Variants in COLGALT2 observed in about 807,000 individuals in gnomAD.
The protein encoded by COLGALT2 is procollagen galactosyltransferase 2.
Under a neutral mutation model 73.4 loss-of-function variants are expected in COLGALT2, and 49 were observed. The ratio of observed to expected loss-of-function variants is 0.67; its 90% CI spans 0.53 to 0.85. The LOEUF (loss-of-function observed/expected upper bound fraction) is 0.85, where lower values mean the gene tolerates loss of function less well. Ranked by LOEUF, COLGALT2 falls within the 40% of genes least tolerant of loss-of-function variation. COLGALT2 has a pLI of 0.00. For missense variants in COLGALT2, 722 were observed against 790.2 expected, an observed-to-expected ratio of 0.91 and a Z score of 1.03; for synonymous variants, 295 against 307.6, an observed-to-expected ratio of 0.96 and a Z score of 0.43.
At chr1:184,025,261 G>A (rs1649299559) in intron 1 of COLGALT2, among the ~76,000 whole-genome samples, 1 of 152,228 alleles carries the variant, frequency 6.6e-6, no homozygotes, top group Non-Finnish European at 1.5e-5. Flanking sequence ...GTGTGTCTTT[G>A]ATGCCCGTCA....
downstream of COLGALT2, among the ~76,000 whole-genome samples, chr1:183,932,118 C>T (rs1396327168): frequency 6.6e-6 from 1 of 152,022 alleles, no homozygotes; most frequent in Non-Finnish European, 1.5e-5. Context: ...TGTGGTGAGA[C>T]AGAGTGCAAG....
rs1418207280 is a variant in COLGALT2 at position 183,938,658 on chromosome 1, A to G, written c.*103T>C. The G allele has an allele frequency of 6.7e-7, 1 of 1,502,026 alleles. No homozygotes were observed. Among genetic ancestry groups the G allele is most frequent in the African/African-American group, 1.4e-5 (1 of 71,810 alleles). The allele number at this position is 1,502,026 out of a possible 1,614,324, so 93.0% of individuals were successfully genotyped here. ...TCACTTTGGTTAGATGACTGTGACC[A>G]CTAAGAACAAAACAAAACAGAAAAC... On this transcript the variant is annotated 3_prime_UTR_variant, in exon 12 of 12. Coordinates refer to ENST00000361927, the MANE Select transcript of COLGALT2 (RefSeq NM_015101.4).
chr1:183,938,764 T>G lies in COLGALT2; in HGVS notation c.1878A>C (p.Leu626=). The G allele has an allele frequency of 6.2e-7, 1 of 1,614,050 alleles. No individual in the cohort carries two copies. Among genetic ancestry groups the G allele is most frequent in the Non-Finnish European group, 8.5e-7 (1 of 1,179,970 alleles). Residue 626 remains leucine (L), a synonymous_variant, in exon 12 of 12, where the codon CTA becomes CTC. Transcript: ENST00000361927. The part of the protein sequence containing the change: ...SLDTVPSRDE[L] ...GGGCCACACTCCCAGGGAGCCTTCATAGCTCATCCCTTGAAGGCACAGTGT... is the reference window on the plus strand; with the variant it reads ...GGGCCACACTCCCAGGGAGCCTTCAGAGCTCATCCCTTGAAGGCACAGTGT...
downstream of COLGALT2, chr1:183,935,829 A>T: frequency 1.0e-6 from 1 of 984,750 alleles, no homozygotes; most frequent in Non-Finnish European, 1.2e-6. Flanking sequence ...ATTGACAATC[A>T]TATCTTTGAG....
At chr1:183,999,177 G>A (rs575296272) in intron 1 of COLGALT2, among the ~76,000 whole-genome samples, 1 of 152,014 alleles carries the variant, frequency 6.6e-6, no homozygotes, top group East Asian at 1.9e-4. Context: ...GTTTTGTTTC[G>A]AATGATTGCT....
Position 184,017,316 on chromosome 1 carries a change from C to A in COLGALT2, c.263+19779G>T, listed in dbSNP as rs184807307. Among the ~76,000 whole-genome samples the A allele has an allele frequency of 7.1e-4, 108 of 152,240 alleles. 1 individual carries two copies. The highest frequency in any genetic ancestry group is 1.4e-3 in the Admixed American group (21 of 15,286). ...TTCTGGCAGTTTTGTTTTGACAAGG[C>A]ATAGAGAGAATTAAGTCATTCACTT... On this transcript the variant is annotated intron_variant, in intron 1 of 11. Transcript: ENST00000361927.
At chr1:184,027,146 T>C (rs544419005) in intron 1 of COLGALT2, among the ~76,000 whole-genome samples, 1 of 152,310 alleles carries the variant, frequency 6.6e-6, no homozygotes, top group South Asian at 2.1e-4. Flanking sequence ...GCTGGGTTTC[T>C]CCTATGTAAT....
intron 7 of COLGALT2, among the ~76,000 whole-genome samples, chr1:183,952,933 A>G (rs565841605): frequency 6.6e-6 from 1 of 152,352 alleles, no homozygotes; most frequent in South Asian, 2.1e-4. Flanking sequence ...AGATATGGAA[A>G]GGAAAGGGCA....
At chr1:183,976,221 G>A (rs988778994) in intron 2 of COLGALT2, among the ~76,000 whole-genome samples, 6 of 151,940 alleles carry the variant, frequency 3.9e-5, no homozygotes, top group African/African-American at 1.2e-4. Flanking sequence ...TGCCATTTTT[G>A]TTAGGCCAAA....
chr1:184,007,430 C>T lies in COLGALT2; in HGVS notation c.264-28910G>A, dbSNP rs1050312897. On this transcript the variant is annotated intron_variant, in intron 1 of 11. Transcript: ENST00000361927. ...AATAATTATGCCATAGTTTAACTTGCGGCTTTCCTTTCTTTTTCTACAATA... is the reference window on the plus strand; with the variant it reads ...AATAATTATGCCATAGTTTAACTTGTGGCTTTCCTTTCTTTTTCTACAATA... 5.3e-5 allele frequency among the ~76,000 whole-genome samples: 8 copies of T among 152,220 alleles called. No individual in the cohort carries two copies. The East Asian group carries it at 7.7e-4, about 15-fold the overall frequency.
chr1:183,948,521 C>T (rs915385265), intron 8 of COLGALT2, among the ~76,000 whole-genome samples: 5 of 152,150 alleles, frequency 3.3e-5, no homozygotes, highest in African/African-American at 1.2e-4. Context: ...AAATCCAATA[C>T]CCTTTTATGA....
intron 1 of COLGALT2, among the ~76,000 whole-genome samples, chr1:184,003,030 G>C (rs1671973393): frequency 1.3e-5 from 2 of 152,068 alleles, no homozygotes; most frequent in Admixed American, 1.3e-4. Context: ...ATATTCAACA[G>C]TAGGTGACTG....
intron 11 of COLGALT2, among the ~76,000 whole-genome samples, chr1:183,930,569 CTTTTTTT>C (rs397861890): frequency 1.3e-3 from 149 of 114,074 alleles, no homozygotes; most frequent in African/African-American, 3.0e-3. Flanking sequence ...TTTTCTTTTT[CTTTTTTT>C]TTTTTTTTTT....
chr1:183,934,553 T>A (rs1405245906), downstream of COLGALT2, among the ~76,000 whole-genome samples: 2 of 152,270 alleles, frequency 1.3e-5, no homozygotes, highest in Non-Finnish European at 2.9e-5. Context: ...CCTTACATGC[T>A]ATTTTCTTCT....
At chr1:184,010,178 C>T (rs1672195987) in intron 1 of COLGALT2, among the ~76,000 whole-genome samples, 1 of 152,158 alleles carries the variant, frequency 6.6e-6, no homozygotes, top group Non-Finnish European at 1.5e-5. Context: ...AGACTACATA[C>T]CCCGACTCAA....
At chr1:183,956,707 T>C (rs1384962830) in intron 6 of COLGALT2, among the ~76,000 whole-genome samples, 1 of 152,070 alleles carries the variant, frequency 6.6e-6, no homozygotes, top group African/African-American at 2.4e-5. Context: ...CCATCAAACA[T>C]AGGCAGTCAT....
intron 6 of COLGALT2, among the ~76,000 whole-genome samples, chr1:183,962,991 C>A (rs1443376035): frequency 2.6e-5 from 4 of 152,234 alleles, no homozygotes; most frequent in African/African-American, 9.6e-5. Flanking sequence ...ACGTTCACAC[C>A]CCCGTGCTCT....
intron 1 of COLGALT2, among the ~76,000 whole-genome samples, chr1:183,982,957 G>GT (rs1671392603): frequency 6.6e-6 from 1 of 152,142 alleles, no homozygotes; most frequent in African/African-American, 2.4e-5. Context: ...TACGAAATGT[G>GT]TTTTCCTGGT....
chr1:184,023,644 G>T (rs1339951356), intron 1 of COLGALT2, among the ~76,000 whole-genome samples: 18 of 7,120 alleles, frequency 2.5e-3, no homozygotes, highest in South Asian at 0.019. Context: ...TGCGTGAGGT[G>T]GGGGGGGGGG....
Sources: gnomAD v4.1 joint callset for allele counts (sites outside exome capture counted in the v4.1 genomes callset) on GRCh38, gnomAD v4.1.1 for gene constraint, MANE v1.5 for transcripts, NCBI Gene and HGNC (gene_info 2026-07-23, HGNC 2026-07-21) for gene names.